CSMD3: variants seen among roughly 807,000 people sequenced by gnomAD.
CSMD3 encodes the protein CUB and sushi domain-containing protein 3.
In CSMD3, 177 loss-of-function variants were observed where a neutral mutation model predicts 435.2. The ratio of observed to expected loss-of-function variants is 0.41; its 90% confidence interval spans 0.36 to 0.46. The LOEUF is 0.46. Ranked by LOEUF, CSMD3 falls within the 20% of genes least tolerant of loss-of-function variation. The pLI is 0.34. For missense variants in CSMD3, 4,265 were observed against 4,504.6 expected, an observed-to-expected ratio of 0.95 and a Z score of 1.52; for synonymous variants, 1,656 against 1,520.5, an observed-to-expected ratio of 1.09 and a Z score of -2.07.
intron 10 of CSMD3, among the ~76,000 whole-genome samples, chr8:112,895,285 CAAAACGAAT>C (rs2081919217): frequency 6.6e-6 from 1 of 150,950 alleles, no homozygotes; most frequent in South Asian, 2.1e-4. Context: ...TTTTAAAGGG[CAAAACGAAT>C]AATTAGAATA....
chr8:113,304,061 C>A (rs78456222), intron 2 of CSMD3, among the ~76,000 whole-genome samples: 1 of 128,260 alleles, frequency 7.8e-6, no homozygotes, highest in Non-Finnish European at 1.7e-5. Context: ...TCAAACAAAT[C>A]TACAAGAAAA....
chr8:112,988,312 A>G (rs1391862656), intron 6 of CSMD3, among the ~76,000 whole-genome samples: 1 of 152,112 alleles, frequency 6.6e-6, no homozygotes, highest in East Asian at 1.9e-4. Context: ...TTGCCTATCC[A>G]CATCTGTGGA....
chr8:113,400,579 A>T (rs1324418782), intron 1 of CSMD3, among the ~76,000 whole-genome samples: 1 of 151,940 alleles, frequency 6.6e-6, no homozygotes, highest in Non-Finnish European at 1.5e-5. Context: ...GATTTCAGCT[A>T]CAGGGGGAAA....
chr8:112,250,095 G>A (rs1356917740), intron 63 of CSMD3, among the ~76,000 whole-genome samples: 1 of 152,024 alleles, frequency 6.6e-6, no homozygotes. Flanking sequence ...TTTAGATAAT[G>A]TAAGGTTAGA....
At chr8:113,381,472 G>T in intron 1 of CSMD3, among the ~76,000 whole-genome samples, 1 of 151,944 alleles carries the variant, frequency 6.6e-6, no homozygotes, top group Non-Finnish European at 1.5e-5. Context: ...GTTTTTGAAG[G>T]GCTTGAGCAA....
chr8:113,107,003 C>G (rs1260781747), intron 4 of CSMD3, among the ~76,000 whole-genome samples: 1 of 152,178 alleles, frequency 6.6e-6, no homozygotes, highest in Non-Finnish European at 1.5e-5. Context: ...AATGAAATCT[C>G]ACACCTTTTA....
intron 1 of CSMD3, among the ~76,000 whole-genome samples, chr8:113,328,735 CTTTTTTTT>C (rs71281211): frequency 8.7e-5 from 5 of 57,198 alleles, no homozygotes; most frequent in Admixed American, 6.0e-4. Context: ...TCCTTCTTTT[CTTTTTTTT>C]TTTTTTTTTT....
At chr8:112,515,395 TTTTAA>T (rs1823566283) in intron 28 of CSMD3, among the ~76,000 whole-genome samples, 1 of 152,148 alleles carries the variant, frequency 6.6e-6, no homozygotes, top group African/African-American at 2.4e-5. Context: ...GAATAAGAAG[TTTTAA>T]TTTAGTTGAA....
intron 3 of CSMD3, among the ~76,000 whole-genome samples, chr8:113,196,280 A>G (rs1389182398): frequency 2.0e-5 from 3 of 151,254 alleles, no homozygotes; most frequent in East Asian, 1.9e-4. Context: ...TGGCTCTTCA[A>G]TTATGCATAA....
chr8:112,660,217 T>C (rs972397329), intron 17 of CSMD3, among the ~76,000 whole-genome samples: 5 of 152,138 alleles, frequency 3.3e-5, no homozygotes, highest in Admixed American at 2.6e-4. Flanking sequence ...TTAGATACTT[T>C]AGAAATAATA....
At chr8:112,367,422 G>T (rs1827883039) in intron 38 of CSMD3, among the ~76,000 whole-genome samples, 1 of 152,082 alleles carries the variant, frequency 6.6e-6, no homozygotes, top group Non-Finnish European at 1.5e-5. Flanking sequence ...GAGTTGAAAG[G>T]CCAGCTCTCC....
At chr8:112,291,724 T>C (rs1819779120) in intron 55 of CSMD3, 29 bp from the exon 56 acceptor site, 2 of 1,474,978 alleles carry the variant, frequency 1.4e-6, no homozygotes, top group Admixed American at 1.7e-5. Context: ...TTGAAACATA[T>C]GTTTGGAATA....
chr8:113,002,619 G>C (rs528669840), intron 6 of CSMD3, among the ~76,000 whole-genome samples: 97 of 152,206 alleles, frequency 6.4e-4, no homozygotes, highest in African/African-American at 2.2e-3. Flanking sequence ...AGAATTTTGA[G>C]TCATATAAAG....
intron 1 of CSMD3, among the ~76,000 whole-genome samples, chr8:113,331,703 G>A (rs1016116776): frequency 4.6e-5 from 7 of 151,534 alleles, no homozygotes; most frequent in African/African-American, 1.7e-4. Context: ...AATAGAAAAA[G>A]AATATATATT....
At position 112,831,366 on chromosome 8, in the gene CSMD3, C is replaced by T. The variant is rs1352264342; in HGVS notation, c.1756-1577G>A. ...CTACTATAAGCAACATGGTCATGAG[C>T]AGTATTAAACATCTTTTGGTACACA... On this transcript the variant is annotated intron_variant, in intron 11 of 70. Coordinates refer to ENST00000297405, the MANE Select transcript of CSMD3 (RefSeq NM_198123.2). Among the ~76,000 whole-genome samples the T allele has an allele frequency of 2.7e-5, 4 of 149,264 alleles. No homozygotes were observed. The East Asian group carries it at 5.9e-4, about 22-fold the overall frequency.
chr8:112,908,934 A>G lies in CSMD3; in HGVS notation c.1633+12693T>C, dbSNP rs187433147. ...GAAGACAACAAAGTAAATACAAATA[A>G]TGGTAAGTGAGAAGATTTTCAGAAG... On this transcript the variant is annotated intron_variant, in intron 10 of 70. Transcript: ENST00000297405. 7.8e-4 allele frequency among the ~76,000 whole-genome samples: 119 copies of G among 151,710 alleles called. 1 individual carries two copies. Among genetic ancestry groups the G allele is most frequent in the African/African-American group, 2.7e-3 (111 of 41,512 alleles).
At chr8:113,067,534 G>T (rs1182990715) in intron 5 of CSMD3, among the ~76,000 whole-genome samples, 3 of 151,914 alleles carry the variant, frequency 2.0e-5, no homozygotes, top group East Asian at 1.9e-4. Context: ...TTACAATTTT[G>T]CCATTGAACA....
At chr8:112,986,366 T>C (rs2085254088) in intron 6 of CSMD3, among the ~76,000 whole-genome samples, 1 of 152,130 alleles carries the variant, frequency 6.6e-6, no homozygotes, top group Non-Finnish European at 1.5e-5. Context: ...ATATTAATCC[T>C]TTCAATGTAG....
At chr8:112,453,269 A>C (rs1334212801) in intron 32 of CSMD3, among the ~76,000 whole-genome samples, 1 of 152,142 alleles carries the variant, frequency 6.6e-6, no homozygotes, top group Non-Finnish European at 1.5e-5. Flanking sequence ...CAGTCAGAGC[A>C]ATCAGGCAAG....
Sources: gnomAD v4.1 joint callset for allele counts (sites outside exome capture counted in the v4.1 genomes callset) on GRCh38, gnomAD v4.1.1 for gene constraint, MANE v1.5 for transcripts, NCBI Gene and HGNC (gene_info 2026-07-23, HGNC 2026-07-21) for gene names.